Variants in CSMD1 observed in about 807,000 individuals in gnomAD.
CSMD1 encodes the protein CUB and sushi domain-containing protein 1.
Under a neutral mutation model 417.5 loss-of-function variants are expected in CSMD1, and 213 were observed. That is an observed-to-expected ratio of 0.51 (90% CI 0.46 to 0.57). The LOEUF is 0.57. Among genes scored for constraint, CSMD1 ranks in the 20% least tolerant of loss-of-function variants. CSMD1 has a pLI of 0.00. For synonymous variants in CSMD1, 2,862 were observed against 1,736.8 expected (o/e 1.65, Z -16.11); for missense variants, 6,923 against 4,529.7 (o/e 1.53, Z -15.17).
At chr8:3,018,701 C>G (rs1809085889) in intron 51 of CSMD1, 51 bp from the exon 52 acceptor site, 1 of 1,492,238 alleles carries the variant, frequency 6.7e-7, no homozygotes, top group Non-Finnish European at 9.1e-7. Context: ...GCAGATTACT[C>G]CTGTGCTCCA....
At chr8:4,464,412 T>TAG (rs1256046796) in intron 2 of CSMD1, among the ~76,000 whole-genome samples, 2 of 152,204 alleles carry the variant, frequency 1.3e-5, no homozygotes, top group Non-Finnish European at 2.9e-5. Context: ...CATTGTAGCT[T>TAG]AGCCTTGCCT....
chr8:4,873,880 G>A (rs1344089460), intron 1 of CSMD1, among the ~76,000 whole-genome samples: 2 of 151,914 alleles, frequency 1.3e-5, no homozygotes, highest in African/African-American at 4.8e-5. Context: ...GAAGCACTAC[G>A]GCTTTTAGAC....
At chr8:4,401,129 T>C (rs1331435929) in intron 3 of CSMD1, among the ~76,000 whole-genome samples, 1 of 152,150 alleles carries the variant, frequency 6.6e-6, no homozygotes, top group Non-Finnish European at 1.5e-5. Flanking sequence ...ACATAAAGCT[T>C]CTGTTTGAAG....
intron 7 of CSMD1, chr8:3,700,568 GAGA>G (rs1800801114): frequency 6.6e-6 from 1 of 152,260 alleles, no homozygotes; most frequent in African/African-American, 2.4e-5. Flanking sequence ...ACTTGGATGG[GAGA>G]AGTTGTGGAT....
chr8:4,638,999 G>A (rs150396206), intron 1 of CSMD1, among the ~76,000 whole-genome samples: 16 of 152,202 alleles, frequency 1.1e-4, no homozygotes, highest in East Asian at 1.9e-4. Context: ...AGAACCAAGC[G>A]CTGAAAGAAC....
At chr8:4,789,539 G>A (rs1286826907) in intron 1 of CSMD1, among the ~76,000 whole-genome samples, 1 of 152,072 alleles carries the variant, frequency 6.6e-6, no homozygotes, top group African/African-American at 2.4e-5. Flanking sequence ...GCATCTACCT[G>A]GGATCTACCA....
chr8:3,370,853 A>G lies in CSMD1; in HGVS notation c.2783-1483T>C, dbSNP rs182856749. Among the ~76,000 whole-genome samples the G allele has an allele frequency of 4.2e-3, 639 of 152,238 alleles. 16 individuals are homozygous for G. Among genetic ancestry groups the G allele is most frequent in the Admixed American group, 0.039 (600 of 15,280 alleles). ...TAGCCAGGCATAGTGGCAGAAGCCT[A>G]CAATTCCAGCTATTCAGAAGGCTGA... On this transcript the variant is annotated intron_variant, in intron 18 of 69. Coordinates refer to ENST00000635120, the MANE Select transcript of CSMD1 (RefSeq NM_033225.6).
chr8:4,148,104 G>C (rs1023179391), intron 3 of CSMD1, among the ~76,000 whole-genome samples: 1 of 152,040 alleles, frequency 6.6e-6, no homozygotes, highest in Non-Finnish European at 1.5e-5. Context: ...AACACAGATG[G>C]CATCTTTGAT....
intron 5 of CSMD1, 98 bp downstream of exon 5, chr8:3,997,805 C>T (rs1436351817): frequency 1.8e-6 from 2 of 1,090,304 alleles, no homozygotes; most frequent in East Asian, 5.2e-5. Context: ...CATGCTTGCC[C>T]ATGAACGTCC....
intron 3 of CSMD1, among the ~76,000 whole-genome samples, chr8:4,135,547 G>A (rs546980235): frequency 6.6e-5 from 10 of 152,160 alleles, no homozygotes; most frequent in Admixed American, 1.3e-4. Context: ...TTTCAGATTG[G>A]AAACAAATAT....
intron 2 of CSMD1, among the ~76,000 whole-genome samples, chr8:4,466,635 TTAAA>T (rs1374759564): frequency 6.6e-6 from 1 of 152,184 alleles, no homozygotes; most frequent in African/African-American, 2.4e-5. Context: ...TTGACTTTAT[TTAAA>T]TGTTTAATTT....
intron 7 of CSMD1, among the ~76,000 whole-genome samples, chr8:3,695,256 A>G (rs921925635): frequency 7.9e-5 from 12 of 152,196 alleles, no homozygotes; most frequent in African/African-American, 2.7e-4. Flanking sequence ...ATGGGCAAGG[A>G]TATTAATCCA....
chr8:4,389,945 C>T (rs1157950398), intron 3 of CSMD1, among the ~76,000 whole-genome samples: 1 of 152,114 alleles, frequency 6.6e-6, no homozygotes, highest in Non-Finnish European at 1.5e-5. Context: ...CTGTGTATGT[C>T]CTATGATATG....
intron 4 of CSMD1, among the ~76,000 whole-genome samples, chr8:4,028,594 T>A (rs886117077): frequency 2.0e-5 from 3 of 152,232 alleles, no homozygotes; most frequent in Admixed American, 2.0e-4. Context: ...ACATGATGAC[T>A]TGCAGTGGAG....
intron 3 of CSMD1, among the ~76,000 whole-genome samples, chr8:4,144,908 T>C (rs1290992553): frequency 6.6e-6 from 1 of 151,042 alleles, no homozygotes; most frequent in Non-Finnish European, 1.5e-5. Flanking sequence ...TTTCAGACTC[T>C]ATCAGTGAGT....
chr8:4,902,827 A>G (rs995886093), intron 1 of CSMD1, among the ~76,000 whole-genome samples: 45 of 152,078 alleles, frequency 3.0e-4, no homozygotes, highest in African/African-American at 1.0e-3. Context: ...CAAAATATAC[A>G]TACATACACA....
chr8:3,390,898 C>T (rs866166489), intron 17 of CSMD1, among the ~76,000 whole-genome samples: 1 of 151,966 alleles, frequency 6.6e-6, no homozygotes, highest in Non-Finnish European at 1.5e-5. Flanking sequence ...TCACAGCCTC[C>T]GAGAGGTTTC....
chr8:3,084,117 C>A (rs1814343969), intron 49 of CSMD1, among the ~76,000 whole-genome samples: 1 of 152,166 alleles, frequency 6.6e-6, no homozygotes. Context: ...ATCCACAACA[C>A]ACCATATGCA....
At chr8:3,545,068 C>T (rs1218745178) in intron 10 of CSMD1, among the ~76,000 whole-genome samples, 1 of 152,218 alleles carries the variant, frequency 6.6e-6, no homozygotes, top group Non-Finnish European at 1.5e-5. Context: ...TGAATACAAA[C>T]TTTTCCATGA....
Sources: gnomAD v4.1 joint callset for allele counts (sites outside exome capture counted in the v4.1 genomes callset) on GRCh38, gnomAD v4.1.1 for gene constraint, MANE v1.5 for transcripts, NCBI Gene and HGNC (gene_info 2026-07-23, HGNC 2026-07-21) for gene names.